Variants in DHX15 observed in about 807,000 individuals in gnomAD.
The protein encoded by DHX15 is ATP-dependent RNA helicase DHX15.
DHX15 carries 11 observed loss-of-function variants against 94.4 expected under a neutral mutation model. The ratio of observed to expected loss-of-function variants is 0.12; its 90% CI spans 0.07 to 0.19. DHX15 has a LOEUF of 0.19. Among genes scored for constraint, DHX15 ranks in the 10% least tolerant of loss-of-function variants. The pLI is 1.00. For missense variants in DHX15, 304 were observed against 988.5 expected (o/e 0.31, Z 9.29); for synonymous variants, 338 against 329.9 (o/e 1.02, Z -0.27).
intron 1 of DHX15, among the ~76,000 whole-genome samples, chr4:24,577,021 A>C (rs1472692962): frequency 6.6e-6 from 1 of 152,172 alleles, no homozygotes; most frequent in Non-Finnish European, 1.5e-5. Flanking sequence ...AAATTGAGTA[A>C]AAGAAGATGG....
intron 6 of DHX15, among the ~76,000 whole-genome samples, 198 bp downstream of exon 6, chr4:24,548,657 G>A (rs749696718): frequency 1.4e-4 from 22 of 152,182 alleles, no homozygotes; most frequent in Admixed American, 3.3e-4. Context: ...ATTTGCTAAG[G>A]AGGCACTACC....
At chr4:24,546,827 GTAT>G (rs1266621799) in intron 6 of DHX15, among the ~76,000 whole-genome samples, 2 of 151,920 alleles carry the variant, frequency 1.3e-5, no homozygotes, top group Admixed American at 6.6e-5. Flanking sequence ...TTTGTATTAA[GTAT>G]TATATTTGTT....
intron 7 of DHX15, 113 bp downstream of exon 7, chr4:24,542,827 T>TAAAAA: frequency 1.3e-6 from 1 of 769,834 alleles, no homozygotes; most frequent in Non-Finnish European, 2.1e-6. Flanking sequence ...AATTTGCAAA[T>TAAAAA]AAAAAAAAAG....
intron 5 of DHX15, among the ~76,000 whole-genome samples, chr4:24,551,200 TG>T (rs1299241213): frequency 6.6e-6 from 1 of 152,164 alleles, no homozygotes; most frequent in East Asian, 1.9e-4. Context: ...TAAATTTTAT[TG>T]AAGTATTAAT....
At chr4:24,578,159 C>A (rs1182052691) in intron 1 of DHX15, among the ~76,000 whole-genome samples, 1 of 152,088 alleles carries the variant, frequency 6.6e-6, no homozygotes, top group East Asian at 1.9e-4. Context: ...CTGGCATAAA[C>A]AGAAAGAAAA....
intron 5 of DHX15, among the ~76,000 whole-genome samples, chr4:24,550,975 A>C (rs1414415024): frequency 6.6e-6 from 1 of 152,182 alleles, no homozygotes; most frequent in Non-Finnish European, 1.5e-5. Context: ...GCTCCACTAT[A>C]ATCTTACGGG....
chr4:24,545,218 C>T (rs1050087777), intron 6 of DHX15, among the ~76,000 whole-genome samples: 1 of 152,114 alleles, frequency 6.6e-6, no homozygotes, highest in Non-Finnish European at 1.5e-5. Flanking sequence ...TGAAGAAAAT[C>T]ACTTTTAAAA....
chr4:24,541,173 GA>G (rs1406419138), intron 8 of DHX15, among the ~76,000 whole-genome samples: 3 of 152,120 alleles, frequency 2.0e-5, no homozygotes, highest in Non-Finnish European at 4.4e-5. Flanking sequence ...CGCAACTGCA[GA>G]AAGAAATTCG....
At chr4:24,577,746 G>T (rs899988365) in intron 1 of DHX15, among the ~76,000 whole-genome samples, 2 of 152,042 alleles carry the variant, frequency 1.3e-5, no homozygotes, top group Non-Finnish European at 2.9e-5. Flanking sequence ...GTTCATATGC[G>T]TTGTGGCTGA....
chr4:24,576,148 GGACA>G, intron 2 of DHX15, 91 bp downstream of exon 2: 5 of 972,044 alleles, frequency 5.1e-6, no homozygotes, highest in Non-Finnish European at 7.8e-6. Context: ...ATGTTCTATA[GGACA>G]GACAAGGGAA....
At chr4:24,565,139 T>C (rs1373813186) in intron 3 of DHX15, among the ~76,000 whole-genome samples, 1 of 152,240 alleles carries the variant, frequency 6.6e-6, no homozygotes, top group Admixed American at 6.5e-5. Context: ...CTAGAATGAA[T>C]GTGTAGGGTG....
intron 5 of DHX15, among the ~76,000 whole-genome samples, chr4:24,552,571 G>C (rs185867914): frequency 6.6e-6 from 1 of 152,174 alleles, no homozygotes; most frequent in Non-Finnish European, 1.5e-5. Context: ...ATGAAGAAAG[G>C]AGTACTGATT....
At chr4:24,577,123 T>C (rs1276096607) in intron 1 of DHX15, among the ~76,000 whole-genome samples, 1 of 152,248 alleles carries the variant, frequency 6.6e-6, no homozygotes, top group African/African-American at 2.4e-5. Flanking sequence ...ACACTGCTAC[T>C]GGAGATAAAG....
intron 10 of DHX15, chr4:24,538,494 T>C (rs1433209454): frequency 2.6e-5 from 4 of 152,148 alleles, no homozygotes; most frequent in Non-Finnish European, 5.9e-5. Context: ...AGTAGTGCTC[T>C]CAAAGGCCTC....
intron 11 of DHX15, chr4:24,533,382 G>T (rs1482810297): frequency 2.8e-6 from 1 of 355,338 alleles, no homozygotes; most frequent in Middle Eastern, 9.4e-4. Flanking sequence ...AAGGCTGGAA[G>T]TATTTGGTAA....
chr4:24,558,618 A>G (rs1443813371), intron 3 of DHX15, among the ~76,000 whole-genome samples: 1 of 152,128 alleles, frequency 6.6e-6, no homozygotes, highest in Non-Finnish European at 1.5e-5. Context: ...ACAATTCCCA[A>G]TGGTTCCTCA....
chr4:24,533,480 A>T, intron 11 of DHX15: 1 of 182,496 alleles, frequency 5.5e-6, no homozygotes, highest in Non-Finnish European at 1.2e-5. Flanking sequence ...TTTATGCCTG[A>T]CACAGAGCAC....
chr4:24,561,349 T>C (rs1341964907), intron 3 of DHX15, among the ~76,000 whole-genome samples: 3 of 152,196 alleles, frequency 2.0e-5, no homozygotes, highest in East Asian at 3.8e-4. Flanking sequence ...GGAATGCTTA[T>C]CCACTGCTGG....
chr4:24,558,439 G>A lies in DHX15; in HGVS notation c.702-2029C>T, dbSNP rs184765149. On this transcript the variant is annotated intron_variant, in intron 3 of 13. Transcript: ENST00000336812. ...TCAAGCTTTAATCAATCACAATATG[G>A]AGCAGAGCTAACCAACAGACATTCC... Among the ~76,000 whole-genome samples the A allele has an allele frequency of 6.6e-5, 10 of 152,130 alleles. No homozygotes were observed. The East Asian group carries it at 1.9e-3, about 29-fold the overall frequency.
Sources: allele counts gnomAD v4.1 joint callset (sites outside exome capture counted in the v4.1 genomes callset), GRCh38; gene constraint gnomAD v4.1.1; transcripts MANE v1.5; gene names NCBI Gene and HGNC (gene_info 2026-07-23, HGNC 2026-07-21).